ALDH4A1: variants seen among roughly 807,000 people sequenced by gnomAD.
ALDH4A1 encodes delta-1-pyrroline-5-carboxylate dehydrogenase, mitochondrial.
Under a neutral mutation model 70.5 loss-of-function variants are expected in ALDH4A1, and 46 were observed. That is an observed-to-expected ratio of 0.65 (90% CI 0.51 to 0.83). The LOEUF is 0.83. Among genes scored for constraint, ALDH4A1 ranks in the 40% least tolerant of loss-of-function variants. The pLI is 0.00. For missense variants in ALDH4A1, 749 were observed against 766.5 expected (o/e 0.98, Z 0.27); for synonymous variants, 323 against 324.3 (o/e 1.00, Z 0.04).
chr1:18,900,092 G>A (rs1935750630), intron 1 of ALDH4A1, among the ~76,000 whole-genome samples: 1 of 152,244 alleles, frequency 6.6e-6, no homozygotes, highest in Middle Eastern at 3.4e-3. Context: ...ACAATTCCAG[G>A]TGATTTTTCT....
intron 4 of ALDH4A1, among the ~76,000 whole-genome samples, chr1:18,885,966 A>G (rs1197362786): frequency 6.6e-6 from 1 of 152,242 alleles, no homozygotes; most frequent in East Asian, 1.9e-4. Context: ...TTAACCCACC[A>G]TCCAGAAACT....
chr1:18,875,307 C>A, intron 13 of ALDH4A1, 75 bp downstream of exon 13: 1 of 1,609,454 alleles, frequency 6.2e-7, no homozygotes, highest in East Asian at 2.2e-5. Context: ...CTGGGAACCA[C>A]GTCCAGGAGG....
At position 18,883,338 on chromosome 1, in the gene ALDH4A1, C is replaced by A. The variant is rs749074973; in HGVS notation, c.544G>T (p.Gly182Trp). 5.0e-6 allele frequency: 8 copies of A among 1,613,388 alleles called. No individual in the cohort carries two copies. The highest frequency in any genetic ancestry group is 1.1e-5 in the South Asian group (1 of 91,088). Residue 182 changes from glycine (G) to tryptophan (W), a missense_variant, in exon 6 of 15, where the codon GGG (glycine) becomes TGG (tryptophan). By Grantham distance (184) the Gly-to-Trp change is radical. Transcript: ENST00000375341. ...GGGGGCACGCTGATGGGCTGCTGCC[C>A]CTCCAGCTCCACCGCATACTTGGCA... ...FNAKYAVELE[G>W]QQPISVPPST...
At chr1:18,882,597 T>C (rs765145209) in intron 7 of ALDH4A1, 3 of 535,748 alleles carry the variant, frequency 5.6e-6, no homozygotes, top group Non-Finnish European at 1.1e-5. Context: ...TCACTCAGTC[T>C]TGCCAAGTAA....
intron 3 of ALDH4A1, among the ~76,000 whole-genome samples, chr1:18,887,560 CTG>C (rs1935264204): frequency 6.6e-6 from 1 of 152,098 alleles, no homozygotes; most frequent in East Asian, 1.9e-4. Flanking sequence ...GATCGCACCA[CTG>C]CACTCCAGCC....
At chr1:18,894,497 CGT>C (rs1331832129) in intron 1 of ALDH4A1, among the ~76,000 whole-genome samples, 1 of 152,216 alleles carries the variant, frequency 6.6e-6, no homozygotes, top group Non-Finnish European at 1.5e-5. Flanking sequence ...GAGCCCAGAT[CGT>C]GCCACTGCAC....
In ALDH4A1 at chr1:18,881,861, A is replaced by C; in HGVS notation, c.705T>G (p.Ser235Arg). The change falls in exon 8 of 15, where the codon AGT (serine) becomes AGG (arginine). Residue 235 changes from serine (S) to arginine (R), a missense_variant. Coordinates refer to ENST00000375341, the MANE Select transcript of ALDH4A1 (RefSeq NM_003748.4). ...LMGNVVLWKP[S>R]DTAMLASYAV... ...CATAGCTGGCCAGCATGGCAGTGTC[A>C]CTGGGCTTCCATAGGACCACGTTGC... 2.5e-6 allele frequency: 4 copies of C among 1,613,708 alleles called. No individual in the cohort carries two copies. The highest frequency in any genetic ancestry group is 3.4e-6 in the Non-Finnish European group (4 of 1,180,036).
intron 1 of ALDH4A1, among the ~76,000 whole-genome samples, chr1:18,894,070 C>T (rs182439320): frequency 1.3e-5 from 2 of 152,306 alleles, no homozygotes; most frequent in Middle Eastern, 3.4e-3. Context: ...TTTCCTCACC[C>T]CTCCTGCTCT....
At chr1:18,895,487 C>T (rs1400493178) in intron 1 of ALDH4A1, among the ~76,000 whole-genome samples, 5 of 151,878 alleles carry the variant, frequency 3.3e-5, no homozygotes, top group African/African-American at 7.3e-5. Flanking sequence ...TACTGGGATC[C>T]GATCCATGAA....
Position 18,898,161 on chromosome 1 carries a change from A to G in ALDH4A1, c.62+4301T>C, listed in dbSNP as rs531495237. On this transcript the variant is annotated intron_variant, in intron 1 of 14. Coordinates refer to ENST00000375341, the MANE Select transcript of ALDH4A1 (RefSeq NM_003748.4). This position sits in a 1 kb window ranked among gnomAD's most constrained non-coding sequence, Gnocchi z 4.3. ...TGAAACCCCGTCTCTACGAAAAAAA[A>G]AAAATACAAAAATTAGCTGGGTATG... 7.3e-4 allele frequency among the ~76,000 whole-genome samples: 111 copies of G among 152,108 alleles called. No homozygotes were observed. Among genetic ancestry groups the G allele is most frequent in the African/African-American group, 2.1e-3 (88 of 41,484 alleles).
Position 18,902,526 on chromosome 1 carries a change from C to CGAGAT in ALDH4A1, c.-4_-3insATCTC. On this transcript the variant is annotated 5_prime_UTR_variant, in exon 1 of 15. Transcript: ENST00000375341. ...AGCGCGGGCGCCGGCAGCAGCATCTCGGGTTAGAAGCGGGGCTGTTCGCTG... is the reference window on the plus strand; with the variant it reads ...AGCGCGGGCGCCGGCAGCAGCATCTCGAGATGGGTTAGAAGCGGGGCTGTTCGCTG... The CGAGAT allele has an allele frequency of 6.7e-7, 1 of 1,486,622 alleles. No homozygotes were observed. Among genetic ancestry groups the CGAGAT allele is most frequent in the Non-Finnish European group, 8.9e-7 (1 of 1,119,350 alleles). The allele number at this position is 1,486,622 out of a possible 1,614,324, so 92.1% of individuals were successfully genotyped here.
Position 18,877,535 on chromosome 1 carries a change from C to T in ALDH4A1, c.1018G>A (p.Ala340Thr), listed in dbSNP as rs1934763846. 2 of 1,611,904 alleles carry T rather than the reference C, an allele frequency of 1.2e-6. No individual in the cohort carries two copies. Among genetic ancestry groups the T allele is most frequent in the Non-Finnish European group, 1.7e-6 (2 of 1,179,462 alleles). The change falls in exon 10 of 15, where the codon GCC becomes ACC. Residue 340 changes from alanine (A) to threonine (T), a missense_variant. By Grantham distance (58) the Ala-to-Thr change is moderately conservative. Coordinates refer to ENST00000375341, the MANE Select transcript of ALDH4A1 (RefSeq NM_003748.4). ...CACTTCTGGCCACCGTACTCGAAGGCTGAGCGGAGGGTCCCGCTCACCACG... is the reference window on the plus strand; with the variant it reads ...CACTTCTGGCCACCGTACTCGAAGGTTGAGCGGAGGGTCCCGCTCACCACG... ...ESVVSGTLRS[A>T]FEYGGQKCSA...
At chr1:18,891,659 A>G (rs1935435382) in intron 1 of ALDH4A1, among the ~76,000 whole-genome samples, 1 of 152,172 alleles carries the variant, frequency 6.6e-6, no homozygotes. Flanking sequence ...CTGGGAAAAA[A>G]GGAACATTTA....
At position 18,880,247 on chromosome 1, in the gene ALDH4A1, AC is replaced by A. The variant is rs1408627922; in HGVS notation, c.867-875del. Among the ~76,000 whole-genome samples the A allele has an allele frequency of 5.6e-4, 6 of 10,804 alleles. No homozygotes were observed. In the East Asian group the frequency reaches 0.21, roughly 386 times the overall value. 7.1% of individuals were successfully genotyped at this position (10,804 alleles called of 152,430 possible). A position where few individuals can be genotyped will look rare whatever the true frequency, so the allele number is the denominator to read the frequency against. ...AGGTAAGAAGGACCCTGAGCTGCAG[AC>A]CCGGGCGTCTGGCTGCCTCCAGGCA... On this transcript the variant is annotated intron_variant, in intron 8 of 14. Transcript: ENST00000375341. The surrounding 1 kb of genome is among the most constrained non-coding windows in gnomAD (Gnocchi z 5.1).
At position 18,877,497 on chromosome 1, in the gene ALDH4A1, C is replaced by G. The variant is rs751732137; in HGVS notation, c.1056G>C (p.Ser352=). Residue 352 remains serine, a synonymous_variant, in exon 10 of 15, where the codon TCG becomes TCC. Coordinates refer to ENST00000375341, the MANE Select transcript of ALDH4A1 (RefSeq NM_003748.4). ...EYGGQKCSAC[S]RLYVPHSLWP... Reference sequence around the variant, plus strand: ...ACAGCGAGTGCGGCACGTAGAGACGCGAGCACGCGGAACACTTCTGGCCAC... The same window carrying G: ...ACAGCGAGTGCGGCACGTAGAGACGGGAGCACGCGGAACACTTCTGGCCAC... 4 of 1,606,626 alleles carry G rather than the reference C, an allele frequency of 2.5e-6. No homozygotes were observed. In the African/African-American group the frequency reaches 4.0e-5, roughly 16 times the overall value.
At chr1:18,876,535 A>G in intron 11 of ALDH4A1, 68 bp from the exon 12 acceptor site, 1 of 1,498,952 alleles carries the variant, frequency 6.7e-7, no homozygotes, top group Non-Finnish European at 8.9e-7. Flanking sequence ...CCCCCACAAC[A>G]CACTCACCCC....
chr1:18,883,045 G>A, intron 7 of ALDH4A1, 79 bp downstream of exon 7: 1 of 1,580,406 alleles, frequency 6.3e-7, no homozygotes, highest in South Asian at 1.1e-5. Flanking sequence ...GACCCAAGGG[G>A]CTCAGGGTGG....
In ALDH4A1 at chr1:18,880,739, A is replaced by G. The variant is rs1217661757; in HGVS notation, c.866+961T>C. ...GTCCAGGGGACCAAGACAGGCCAATATTTGGATTTATCTATGAAATTGTCC... is the reference window on the plus strand; with the variant it reads ...GTCCAGGGGACCAAGACAGGCCAATGTTTGGATTTATCTATGAAATTGTCC... On this transcript the variant is annotated intron_variant, in intron 8 of 14. Coordinates refer to ENST00000375341, the MANE Select transcript of ALDH4A1 (RefSeq NM_003748.4). This position sits in a 1 kb window ranked among gnomAD's most constrained non-coding sequence, Gnocchi z 5.1. Among the ~76,000 whole-genome samples the G allele has an allele frequency of 2.0e-5, 3 of 152,158 alleles. No individual in the cohort carries two copies. Among genetic ancestry groups the G allele is most frequent in the Non-Finnish European group, 4.4e-5 (3 of 68,022 alleles).
At position 18,876,442 on chromosome 1, in the gene ALDH4A1, A is replaced by G; in HGVS notation, c.1211T>C (p.Leu404Pro). The G allele has an allele frequency of 6.2e-7, 1 of 1,604,896 alleles. No individual in the cohort carries two copies. The highest frequency in any genetic ancestry group is 8.5e-7 in the Non-Finnish European group (1 of 1,176,756). ...AKSFARIKKW[L>P]EHARSSPSLT... ...GCTGGGTGAGGAGCGTGCGTGCTCCAGCCACTTCTTGATACGGGCAAAGGA... is the reference window on the plus strand; with the variant it reads ...GCTGGGTGAGGAGCGTGCGTGCTCCGGCCACTTCTTGATACGGGCAAAGGA... The change falls in exon 12 of 15, where the codon CTG becomes CCG. Residue 404 changes from leucine (L) to proline (P), a missense_variant. By Grantham distance (98) the Leu-to-Pro change is moderately conservative (BLOSUM62 -3). Coordinates refer to ENST00000375341, the MANE Select transcript of ALDH4A1 (RefSeq NM_003748.4).
Sources: gnomAD v4.1 joint callset for allele counts (sites outside exome capture counted in the v4.1 genomes callset) on GRCh38, gnomAD v4.1.1 for gene constraint, Gnocchi (gnomAD v3.1) non-coding constraint, MANE v1.5 for transcripts, NCBI Gene and HGNC (gene_info 2026-07-23, HGNC 2026-07-21) for gene names.